Variants in ATRNL1 observed in about 807,000 individuals in gnomAD.
The protein encoded by ATRNL1 is attractin like 1, also known as attractin-like protein 1.
A neutral mutation model predicts 182.7 loss-of-function variants in ATRNL1; 95 were observed. That is an observed-to-expected ratio of 0.52 (90% CI 0.44 to 0.62). ATRNL1 has a LOEUF of 0.62. Ranked by LOEUF, ATRNL1 falls within the 20% of genes least tolerant of loss-of-function variation. The pLI, the probability that ATRNL1 is intolerant of heterozygous loss-of-function variation, is 0.00. For missense variants in ATRNL1, 1,471 were observed against 1,679.5 expected (o/e 0.88, Z 2.17); for synonymous variants, 576 against 568.3 (o/e 1.01, Z -0.19).
At chr10:115,557,901 C>T (rs1443872671) in intron 26 of ATRNL1, among the ~76,000 whole-genome samples, 6 of 151,776 alleles carry the variant, frequency 4.0e-5, no homozygotes, top group Admixed American at 2.0e-4. Context: ...AAGAATTAGC[C>T]GGGTGTGGTG....
intron 10 of ATRNL1, among the ~76,000 whole-genome samples, chr10:115,264,256 T>C (rs1851515084): frequency 6.6e-6 from 1 of 151,698 alleles, no homozygotes; most frequent in Admixed American, 6.6e-5. Flanking sequence ...AAACCAAATT[T>C]ATTTTATTAT....
At chr10:115,326,883 G>T (rs1230481350) in intron 18 of ATRNL1, among the ~76,000 whole-genome samples, 61 of 152,308 alleles carry the variant, frequency 4.0e-4, no homozygotes, top group Admixed American at 8.5e-4. Context: ...CTAGCCATAT[G>T]TAGAAAGCTG....
chr10:115,550,144 A>G (rs1354759802), intron 26 of ATRNL1, among the ~76,000 whole-genome samples: 3 of 151,878 alleles, frequency 2.0e-5, no homozygotes, highest in Non-Finnish European at 4.4e-5. Context: ...ATATTCGTTA[A>G]TCGAAAGGAA....
At chr10:115,099,884 C>A (rs1554864171) in intron 1 of ATRNL1, among the ~76,000 whole-genome samples, 1 of 152,154 alleles carries the variant, frequency 6.6e-6, no homozygotes, top group African/African-American at 2.4e-5. Context: ...TCTATGAAAA[C>A]AATGCAAAGA....
chr10:115,119,013 T>C (rs1316674179), intron 1 of ATRNL1, among the ~76,000 whole-genome samples: 4 of 152,126 alleles, frequency 2.6e-5, no homozygotes, highest in African/African-American at 7.2e-5. Flanking sequence ...TACTATCTTA[T>C]AGGTTTTTTG....
At chr10:115,635,608 A>G (rs1555027825) in intron 26 of ATRNL1, among the ~76,000 whole-genome samples, 1 of 152,192 alleles carries the variant, frequency 6.6e-6, no homozygotes, top group Non-Finnish European at 1.5e-5. Context: ...GATACCCTGT[A>G]ACTGAGAAAT....
intron 28 of ATRNL1, among the ~76,000 whole-genome samples, chr10:115,912,697 A>G (rs1200104448): frequency 6.6e-6 from 1 of 152,212 alleles, no homozygotes; most frequent in Non-Finnish European, 1.5e-5. Context: ...AAAAAAAAAA[A>G]ATTCCATGAA....
At chr10:115,298,102 T>C (rs1853295964) in intron 15 of ATRNL1, among the ~76,000 whole-genome samples, 1 of 152,196 alleles carries the variant, frequency 6.6e-6, no homozygotes. Context: ...TGGAGACTTC[T>C]GCAAGGTGAC....
At chr10:115,236,931 A>G (rs1345579205) in intron 9 of ATRNL1, among the ~76,000 whole-genome samples, 2 of 152,324 alleles carry the variant, frequency 1.3e-5, no homozygotes, top group East Asian at 3.9e-4. Flanking sequence ...ACTCTTGGCA[A>G]CCACTGATAT....
intron 26 of ATRNL1, among the ~76,000 whole-genome samples, chr10:115,606,853 G>C (rs1856901343): frequency 6.6e-6 from 1 of 151,956 alleles, no homozygotes; most frequent in African/African-American, 2.4e-5. Flanking sequence ...GCCTGTTCTA[G>C]TAAACATGAA....
At chr10:115,941,519 T>G (rs1269681130) in intron 28 of ATRNL1, among the ~76,000 whole-genome samples, 1 of 152,230 alleles carries the variant, frequency 6.6e-6, no homozygotes, top group African/African-American at 2.4e-5. Context: ...AAAGTATTAT[T>G]TTTTCAGAGC....
At chr10:115,573,074 G>A (rs1296965477) in intron 26 of ATRNL1, among the ~76,000 whole-genome samples, 4 of 152,172 alleles carry the variant, frequency 2.6e-5, no homozygotes, top group African/African-American at 9.7e-5. Context: ...TTATTGCAAG[G>A]GTAAAGAACC....
intron 21 of ATRNL1, among the ~76,000 whole-genome samples, chr10:115,429,158 C>A (rs563333789): frequency 6.6e-6 from 1 of 151,956 alleles, no homozygotes; most frequent in South Asian, 2.1e-4. Flanking sequence ...TAAAATTTAT[C>A]CTTTTTTCAG....
intron 28 of ATRNL1, among the ~76,000 whole-genome samples, chr10:115,887,792 C>A (rs1220384631): frequency 6.6e-6 from 1 of 151,874 alleles, no homozygotes; most frequent in Admixed American, 6.6e-5. Context: ...AATTTATCAC[C>A]GAGTTCACTA....
intron 26 of ATRNL1, among the ~76,000 whole-genome samples, chr10:115,580,525 C>G (rs1470429584): frequency 1.3e-5 from 2 of 151,952 alleles, no homozygotes; most frequent in Non-Finnish European, 2.9e-5. Context: ...TTCTCTCGGT[C>G]TTTAACTTTT....
intron 24 of ATRNL1, among the ~76,000 whole-genome samples, chr10:115,489,231 T>G (rs1849175934): frequency 6.6e-6 from 1 of 152,192 alleles, no homozygotes; most frequent in Admixed American, 6.5e-5. Flanking sequence ...TCTGTGGATG[T>G]CTATTAGGTC....
At chr10:115,151,037 C>T (rs1181448830) in intron 5 of ATRNL1, among the ~76,000 whole-genome samples, 6 of 152,210 alleles carry the variant, frequency 3.9e-5, no homozygotes, top group Admixed American at 6.5e-5. Flanking sequence ...CATGTCCCTA[C>T]AAAGGACATG....
At chr10:115,808,580 G>T (rs575044703) in intron 27 of ATRNL1, among the ~76,000 whole-genome samples, 1 of 152,228 alleles carries the variant, frequency 6.6e-6, no homozygotes, top group Non-Finnish European at 1.5e-5. Context: ...CTAGGTATAT[G>T]TGCAACTTTA....
rs781996913 is a variant in ATRNL1 at position 115,727,316 on chromosome 10, G to A, written c.3864G>A (p.Val1288=). 6.2e-7 allele frequency: 1 copy of A among 1,614,000 alleles called. No individual in the cohort carries two copies. Among genetic ancestry groups the A allele is most frequent in the African/African-American group, 1.3e-5 (1 of 74,936 alleles). Residue 1288 remains valine, a synonymous_variant, in exon 27 of 29, where the codon GTG becomes GTA. Transcript: ENST00000355044. ...CTTCTGTTGATGTAGCTCTGGAAGT[G>A]GGAGCTGAACAAACAGAGTTTCTGC... ...PFASVDVALE[V]GAEQTEFLRG...
Sources: allele counts gnomAD v4.1 joint callset (sites outside exome capture counted in the v4.1 genomes callset), GRCh38; gene constraint gnomAD v4.1.1; transcripts MANE v1.5; gene names NCBI Gene and HGNC (gene_info 2026-07-23, HGNC 2026-07-21).